The following GAB2 variants were observed in gnomAD, a reference collection of about 807,000 sequenced individuals.
The protein encoded by GAB2 is GRB2 associated binding protein 2.
GAB2 carries 26 observed loss-of-function variants against 65.5 expected under a neutral mutation model. The ratio of observed to expected loss-of-function variants is 0.40; its 90% CI spans 0.29 to 0.55. The LOEUF is 0.55. Ranked by LOEUF, GAB2 falls within the 20% of genes least tolerant of loss-of-function variation. The pLI is 0.53. For synonymous variants in GAB2, 321 were observed against 329.6 expected, an observed-to-expected ratio of 0.97 and a Z score of 0.28; for missense variants, 884 against 875.8, an observed-to-expected ratio of 1.01 and a Z score of -0.12.
At position 78,345,103 on chromosome 11, in the gene GAB2, A is replaced by C. The variant is rs148441667; in HGVS notation, c.76-64202T>G. On this transcript the variant is annotated intron_variant, in intron 1 of 9. Transcript: ENST00000361507. ...AAGACCAGCCCGCGCAACATGGCAA[A>C]ACCCCGTCTCTACTAAAAATACAAA... Among the ~76,000 whole-genome samples, 1,503 of 152,274 alleles carry C rather than the reference A, an allele frequency of 9.9e-3. 30 individuals carry two copies. The highest frequency in any genetic ancestry group is 0.034 in the African/African-American group (1,427 of 41,560).
At chr11:78,337,153 A>G (rs1186611249) in intron 1 of GAB2, among the ~76,000 whole-genome samples, 1 of 152,228 alleles carries the variant, frequency 6.6e-6, no homozygotes, top group Non-Finnish European at 1.5e-5. Flanking sequence ...TTTGGGTTCC[A>G]AGATCTCAAC....
At chr11:78,300,348 A>G (rs1475481765) in intron 1 of GAB2, among the ~76,000 whole-genome samples, 2 of 144,410 alleles carry the variant, frequency 1.4e-5, no homozygotes, top group Admixed American at 1.3e-4. Flanking sequence ...CCATTCACCT[A>G]TTGAGGGATA....
intron 1 of GAB2, among the ~76,000 whole-genome samples, chr11:78,336,068 C>A (rs1369242669): frequency 6.6e-6 from 1 of 151,934 alleles, no homozygotes; most frequent in African/African-American, 2.4e-5. Context: ...AATCCCAGTA[C>A]TTTGGGAGGC....
chr11:78,268,930 C>T (rs763425983), intron 2 of GAB2, among the ~76,000 whole-genome samples: 12 of 152,032 alleles, frequency 7.9e-5, no homozygotes, highest in Non-Finnish European at 1.6e-4. Flanking sequence ...GAACTCACGG[C>T]CTGTTCTGTG....
chr11:78,229,336 C>T (rs1864771006), intron 3 of GAB2, among the ~76,000 whole-genome samples: 1 of 152,154 alleles, frequency 6.6e-6, no homozygotes, highest in Non-Finnish European at 1.5e-5. Flanking sequence ...GCAGCAAGCA[C>T]ATTAGAAGGC....
chr11:78,355,658 C>CAGAG (rs1364562463), intron 1 of GAB2, among the ~76,000 whole-genome samples: 7 of 93,178 alleles, frequency 7.5e-5, no homozygotes, highest in African/African-American at 1.1e-4. Context: ...GCCTGGGAAA[C>CAGAG]AGAGAGAGAC....
At chr11:78,316,633 A>C (rs1855612377) in intron 1 of GAB2, among the ~76,000 whole-genome samples, 1 of 152,218 alleles carries the variant, frequency 6.6e-6, no homozygotes, top group South Asian at 2.1e-4. Flanking sequence ...AAAAAATAGA[A>C]ATAAGTGTTG....
rs564555499 is a variant in GAB2, at chr11:78,345,137, A to G, written c.76-64236T>C. 3.3e-5 allele frequency among the ~76,000 whole-genome samples: 5 copies of G among 152,198 alleles called. No homozygotes were observed. In the South Asian group the frequency reaches 8.3e-4, roughly 25 times the overall value. ...TCTACTAAAAATACAAAAATTAGCT[A>G]GGTGTGGTGGCACGCACCTATAGTC... On this transcript the variant is annotated intron_variant, in intron 1 of 9. Transcript: ENST00000361507.
rs1864238626 is a variant in GAB2, at chr11:78,218,069, A to C, written c.*1203T>G. On this transcript the variant is annotated 3_prime_UTR_variant, in exon 10 of 10. Transcript: ENST00000361507. ...CCAAGGATTGCGTTGGGCACCCCCC[A>C]ACTCCCAGGCCCTTTGGATGTATTT... The C allele has an allele frequency of 1.3e-5, 2 of 152,912 alleles. No homozygotes were observed. The highest frequency in any genetic ancestry group is 4.8e-5 in the African/African-American group (2 of 41,364). The allele number at this position is 152,912 out of a possible 1,614,324, so 9.5% of individuals were successfully genotyped here.
chr11:78,316,691 A>G (rs1203606205), intron 1 of GAB2, among the ~76,000 whole-genome samples: 2 of 152,216 alleles, frequency 1.3e-5, no homozygotes, highest in Non-Finnish European at 2.9e-5. Flanking sequence ...TGGTGGGGAT[A>G]TAAAATAGTG....
intron 2 of GAB2, among the ~76,000 whole-genome samples, chr11:78,266,980 G>T (rs1865889620): frequency 6.6e-6 from 1 of 152,336 alleles, no homozygotes; most frequent in African/African-American, 2.4e-5. Flanking sequence ...AAGAGAAGCA[G>T]ATTTTTTTCA....
intron 1 of GAB2, among the ~76,000 whole-genome samples, chr11:78,347,553 A>G (rs961641287): frequency 1.3e-5 from 2 of 152,220 alleles, no homozygotes; most frequent in African/African-American, 4.8e-5. Flanking sequence ...CTTGAGAAAT[A>G]AAGTTCCTGA....
intron 3 of GAB2, chr11:78,231,893 G>C (rs1026004133): frequency 6.6e-5 from 10 of 152,182 alleles, no homozygotes; most frequent in African/African-American, 2.4e-4. Flanking sequence ...TTAGAGTTCT[G>C]TAACTGTCAC....
chr11:78,256,652 A>G (rs1316067818), intron 2 of GAB2, among the ~76,000 whole-genome samples: 1 of 152,160 alleles, frequency 6.6e-6, no homozygotes, highest in African/African-American at 2.4e-5. Flanking sequence ...ATAACTATCA[A>G]GTATTGGAGG....
At chr11:78,333,389 C>A (rs1027453924) in intron 1 of GAB2, among the ~76,000 whole-genome samples, 3 of 152,128 alleles carry the variant, frequency 2.0e-5, no homozygotes, top group Admixed American at 2.0e-4. Flanking sequence ...CTTAGCATCC[C>A]GAGAGCTAGG....
intron 1 of GAB2, chr11:78,341,896 T>C: frequency 1.0e-6 from 1 of 985,766 alleles, no homozygotes; most frequent in Non-Finnish European, 1.2e-6. Context: ...CAAGTTATCA[T>C]CTGAATGGCT....
chr11:78,227,650 A>G (rs1042675600), intron 3 of GAB2, among the ~76,000 whole-genome samples: 36 of 150,882 alleles, frequency 2.4e-4, no homozygotes, highest in Non-Finnish European at 4.4e-4. Flanking sequence ...AAAAAAAAGA[A>G]CTAGCTGGGC....
Position 78,406,579 on chromosome 11 carries a change from T to C in GAB2, c.75+11067A>G, listed in dbSNP as rs375942120. 2.0e-3 allele frequency among the ~76,000 whole-genome samples: 303 copies of C among 152,282 alleles called. 8 individuals are homozygous for C. The South Asian group carries it at 0.058, about 29-fold the overall frequency. On this transcript the variant is annotated intron_variant, in intron 1 of 9. Transcript: ENST00000361507. ...TTTCAGTAGAGACAGGGTTTCGCCA[T>C]GTTGGCCAGGCTGGTCTTGAGCTCC...
chr11:78,226,222 C>G (rs1864644457), intron 4 of GAB2, among the ~76,000 whole-genome samples: 1 of 152,192 alleles, frequency 6.6e-6, no homozygotes, highest in South Asian at 2.1e-4. Context: ...GTCCTATTCT[C>G]CATTAGTAGA....
Sources: allele counts gnomAD v4.1 joint callset (sites outside exome capture counted in the v4.1 genomes callset), GRCh38; gene constraint gnomAD v4.1.1; transcripts MANE v1.5; gene names NCBI Gene and HGNC (gene_info 2026-07-23, HGNC 2026-07-21).